The following ATP6V1H variants were observed in gnomAD, a reference collection of about 807,000 sequenced individuals.
The protein encoded by ATP6V1H is V-type proton ATPase subunit H.
Under a neutral mutation model 71.7 loss-of-function variants are expected in ATP6V1H, and 39 were observed. The ratio of observed to expected loss-of-function variants is 0.54; its 90% CI spans 0.42 to 0.71. The LOEUF (loss-of-function observed/expected upper bound fraction) is 0.71. Ranked by LOEUF, ATP6V1H falls within the 30% of genes least tolerant of loss-of-function variation. The probability of loss-of-function intolerance (pLI) is 0.00; values close to 1 mark genes in which losing one functional copy is unlikely to be tolerated. For synonymous variants in ATP6V1H, 192 were observed against 199.3 expected (o/e 0.96, Z 0.31); for missense variants, 509 against 594.9 (o/e 0.86, Z 1.50).
chr8:53,817,565 A>C, intron 4 of ATP6V1H, 35 bp from the exon 5 acceptor site: 12 of 1,392,444 alleles, frequency 8.6e-6, no homozygotes, highest in Non-Finnish European at 1.2e-5. Flanking sequence ...ACCAGTCAGA[A>C]CACATTTTGC....
intron 11 of ATP6V1H, 149 bp downstream of exon 11, chr8:53,769,469 G>T (rs1808576389): frequency 1.4e-5 from 10 of 714,884 alleles, no homozygotes; most frequent in Non-Finnish European, 2.2e-5. Flanking sequence ...ATGGTCAAAA[G>T]GATATGAAAA....
In ATP6V1H at chr8:53,815,240, T is replaced by C. The variant is rs193248941; in HGVS notation, c.421-474A>G. Among the ~76,000 whole-genome samples, 6 of 152,278 alleles carry C rather than the reference T, an allele frequency of 3.9e-5. 1 individual carries two copies. The highest frequency in any genetic ancestry group is 3.9e-4 in the Admixed American group (6 of 15,298). On this transcript the variant is annotated intron_variant, in intron 5 of 13. Coordinates refer to ENST00000359530, the MANE Select transcript of ATP6V1H (RefSeq NM_015941.4). ...TAATATACATCCTAGGTATTAGTCG[T>C]CTCTCCCAACATAAACAAATATCCT...
chr8:53,820,894 T>C (rs755417686), intron 4 of ATP6V1H, among the ~76,000 whole-genome samples: 3 of 151,002 alleles, frequency 2.0e-5, no homozygotes, highest in African/African-American at 7.3e-5. Flanking sequence ...GGCAGGAGGA[T>C]TGCTTGAGCC....
At chr8:53,716,284 T>C (rs1426354373) in intron 13 of ATP6V1H, among the ~76,000 whole-genome samples, 2 of 152,230 alleles carry the variant, frequency 1.3e-5, no homozygotes, top group Non-Finnish European at 2.9e-5. Flanking sequence ...GTAAAGTTAT[T>C]ACGATTACAC....
intron 12 of ATP6V1H, among the ~76,000 whole-genome samples, chr8:53,747,156 T>A (rs1021990523): frequency 4.6e-5 from 7 of 152,230 alleles, no homozygotes; most frequent in African/African-American, 1.7e-4. Context: ...ACATAAAATA[T>A]CCTCATAAGA....
At chr8:53,769,979 G>A (rs555677398) in intron 10 of ATP6V1H, among the ~76,000 whole-genome samples, 6 of 152,198 alleles carry the variant, frequency 3.9e-5, no homozygotes, top group Middle Eastern at 3.4e-3. Flanking sequence ...TGCTGGGTAT[G>A]AGACATAAAA....
intron 13 of ATP6V1H, among the ~76,000 whole-genome samples, chr8:53,735,898 G>C (rs557310366): frequency 6.6e-6 from 1 of 152,078 alleles, no homozygotes; most frequent in South Asian, 2.1e-4. Context: ...GGCTAACACC[G>C]GCATCTCAGG....
At chr8:53,716,473 T>C (rs1806425600) in intron 13 of ATP6V1H, among the ~76,000 whole-genome samples, 1 of 152,248 alleles carries the variant, frequency 6.6e-6, no homozygotes, top group South Asian at 2.1e-4. Flanking sequence ...TTAGAGAATA[T>C]GTGTATCTTC....
chr8:53,730,666 AAGAG>A (rs1344969090), intron 13 of ATP6V1H, among the ~76,000 whole-genome samples: 2 of 152,216 alleles, frequency 1.3e-5, no homozygotes, highest in South Asian at 4.1e-4. Context: ...GCAGCTCAGA[AAGAG>A]AGAGAAAGAG....
chr8:53,823,625 C>T (rs1810731697), intron 4 of ATP6V1H, among the ~76,000 whole-genome samples: 1 of 152,228 alleles, frequency 6.6e-6, no homozygotes, highest in South Asian at 2.1e-4. Context: ...TATAGGCATG[C>T]GCCACCACAC....
Position 53,716,247 on chromosome 8 carries a change from T to A in ATP6V1H, c.1392-223A>T, listed in dbSNP as rs1454952177. ...ACAAGTTATGACAAAGACAAACTAGTCATTCTCCTATTTTTATGAATAACT... is the reference window on the plus strand; with the variant it reads ...ACAAGTTATGACAAAGACAAACTAGACATTCTCCTATTTTTATGAATAACT... On this transcript the variant is annotated intron_variant, in intron 13 of 13. Coordinates refer to ENST00000359530, the MANE Select transcript of ATP6V1H (RefSeq NM_015941.4). Among the ~76,000 whole-genome samples the A allele has an allele frequency of 2.0e-5, 3 of 152,334 alleles. No homozygotes were observed. The East Asian group carries it at 5.8e-4, about 29-fold the overall frequency.
intron 13 of ATP6V1H, among the ~76,000 whole-genome samples, chr8:53,720,329 G>A (rs908763236): frequency 2.6e-5 from 4 of 152,056 alleles, no homozygotes; most frequent in African/African-American, 9.7e-5. Flanking sequence ...GTACATAAAC[G>A]GCTCACAAAA....
rs528085347 is a variant in ATP6V1H at position 53,829,007 on chromosome 8, T to C, written c.306+437A>G. 2.6e-5 allele frequency among the ~76,000 whole-genome samples: 4 copies of C among 152,320 alleles called. No homozygotes were observed. In the East Asian group the frequency reaches 7.7e-4, roughly 29 times the overall value. ...TGTATGCAACTGGAAACGTTTTCGA[T>C]GATAAGCAAAACTGTTCCCAAAAGG... On this transcript the variant is annotated intron_variant, in intron 4 of 13. Coordinates refer to ENST00000359530, the MANE Select transcript of ATP6V1H (RefSeq NM_015941.4).
chr8:53,785,004 C>A (rs1333820184), intron 9 of ATP6V1H, among the ~76,000 whole-genome samples: 2 of 152,088 alleles, frequency 1.3e-5, no homozygotes, highest in African/African-American at 4.8e-5. Context: ...GTGAATCTGA[C>A]AATTATGTGT....
At chr8:53,782,412 A>T (rs1428355093) in intron 9 of ATP6V1H, among the ~76,000 whole-genome samples, 256 of 151,992 alleles carry the variant, frequency 1.7e-3, no homozygotes, top group African/African-American at 6.0e-3. Context: ...ACTTTGCTGA[A>T]GTTGCTTATC....
intron 5 of ATP6V1H, among the ~76,000 whole-genome samples, chr8:53,816,207 G>T (rs941435861): frequency 6.6e-6 from 1 of 152,102 alleles, no homozygotes; most frequent in African/African-American, 2.4e-5. Context: ...TAACTATACT[G>T]TATGAATACA....
chr8:53,785,066 T>C (rs1286038848), intron 9 of ATP6V1H, among the ~76,000 whole-genome samples: 1 of 152,172 alleles, frequency 6.6e-6, no homozygotes, highest in Non-Finnish European at 1.5e-5. Flanking sequence ...CTGTATTTCC[T>C]GAATTTGAAT....
At chr8:53,834,064 C>T (rs1237706254) in intron 2 of ATP6V1H, among the ~76,000 whole-genome samples, 1 of 152,148 alleles carries the variant, frequency 6.6e-6, no homozygotes, top group East Asian at 1.9e-4. Context: ...AAAGATGTGT[C>T]AGCAGAACAG....
chr8:53,737,335 A>G (rs936714168), intron 13 of ATP6V1H, among the ~76,000 whole-genome samples: 3 of 152,260 alleles, frequency 2.0e-5, no homozygotes, highest in Non-Finnish European at 4.4e-5. Flanking sequence ...AATTAGAGAC[A>G]ATTACAGAGA....
Sources: allele counts gnomAD v4.1 joint callset (sites outside exome capture counted in the v4.1 genomes callset), GRCh38; gene constraint gnomAD v4.1.1; transcripts MANE v1.5; gene names NCBI Gene and HGNC (gene_info 2026-07-23, HGNC 2026-07-21).